TUSC3: variants seen among roughly 807,000 people sequenced by gnomAD.
The protein encoded by TUSC3 is dolichyl-diphosphooligosaccharide--protein glycosyltransferase subunit TUSC3.
A neutral mutation model predicts 44.8 loss-of-function variants in TUSC3; 45 were observed. That is an observed-to-expected ratio of 1.00 (90% confidence interval 0.79 to 1.29). The LOEUF is 1.29. Among genes scored for constraint, TUSC3 ranks in the 50% most tolerant of loss-of-function variants. TUSC3 has a pLI of 0.00. For synonymous variants in TUSC3, 212 were observed against 152.9 expected (o/e 1.39, Z -2.85); for missense variants, 519 against 437.9 (o/e 1.19, Z -1.65).
At chr8:15,442,789 C>G (rs1384795124) in intron 1 of TUSC3, among the ~76,000 whole-genome samples, 1 of 152,122 alleles carries the variant, frequency 6.6e-6, no homozygotes, top group Non-Finnish European at 1.5e-5. Context: ...AAACTTTAGT[C>G]AGGCTCCTCT....
chr8:15,835,706 G>A, the TUSC3 span, among the ~76,000 whole-genome samples: 3 of 152,258 alleles, frequency 2.0e-5, no homozygotes, highest in East Asian at 1.9e-4. Flanking sequence ...TAGGAGAGAA[G>A]ATACAGTCTC....
chr8:15,727,835 A>G (rs1338871474), intron 6 of TUSC3, among the ~76,000 whole-genome samples: 1 of 152,226 alleles, frequency 6.6e-6, no homozygotes, highest in Admixed American at 6.5e-5. Flanking sequence ...ATTGTATATC[A>G]TACTATCTTA....
chr8:15,840,073 T>C, the TUSC3 span, among the ~76,000 whole-genome samples: 237 of 152,290 alleles, frequency 1.6e-3, 3 homozygotes, highest in Middle Eastern at 0.024. Flanking sequence ...TCATGTCCTT[T>C]GTAGGGACAT....
intron 1 of TUSC3, among the ~76,000 whole-genome samples, chr8:15,554,755 C>G (rs900575947): frequency 6.7e-6 from 1 of 150,262 alleles, no homozygotes; most frequent in African/African-American, 2.5e-5. Flanking sequence ...GGCGCCCTCA[C>G]CACGCCCGGC....
chr8:15,428,234 C>T (rs1443661635), intron 1 of TUSC3, among the ~76,000 whole-genome samples: 2 of 149,402 alleles, frequency 1.3e-5, no homozygotes, highest in African/African-American at 2.5e-5. Context: ...GTTTTTTGTC[C>T]TCACGATACT....
chr8:15,774,042 C>G, the TUSC3 span, among the ~76,000 whole-genome samples: 8 of 152,106 alleles, frequency 5.3e-5, no homozygotes, highest in Non-Finnish European at 7.4e-5. Context: ...AAAAATATAA[C>G]TTAGACCTCA....
the TUSC3 span, among the ~76,000 whole-genome samples, chr8:15,787,082 C>G: frequency 6.6e-6 from 1 of 151,938 alleles, no homozygotes; most frequent in East Asian, 1.9e-4. Flanking sequence ...TTTTACCCAC[C>G]CTACCACACT....
At chr8:15,566,819 G>C (rs1802696187) in intron 1 of TUSC3, among the ~76,000 whole-genome samples, 1 of 152,046 alleles carries the variant, frequency 6.6e-6, no homozygotes, top group Admixed American at 6.6e-5. Flanking sequence ...TGTTTGTAGA[G>C]ACAGGATTTT....
intron 1 of TUSC3, among the ~76,000 whole-genome samples, chr8:15,572,774 G>A (rs527760453): frequency 3.3e-5 from 5 of 152,240 alleles, no homozygotes; most frequent in East Asian, 1.9e-4. Flanking sequence ...CAATAGGAAC[G>A]TGTGAGAAGA....
intron 1 of TUSC3, among the ~76,000 whole-genome samples, chr8:15,471,484 CTT>C (rs1341202654): frequency 6.6e-6 from 1 of 152,020 alleles, no homozygotes; most frequent in African/African-American, 2.4e-5. Flanking sequence ...ACTAATAAAA[CTT>C]TTTCTTCATC....
chr8:15,683,363 T>G (rs1391105155), intron 6 of TUSC3, among the ~76,000 whole-genome samples: 1 of 152,136 alleles, frequency 6.6e-6, no homozygotes, highest in Non-Finnish European at 1.5e-5. Context: ...TCTTTATTTT[T>G]ATCTGACTGG....
chr8:15,816,070 A>C, the TUSC3 span, among the ~76,000 whole-genome samples: 1 of 152,150 alleles, frequency 6.6e-6, no homozygotes, highest in Non-Finnish European at 1.5e-5. Context: ...TTGTGTGAGC[A>C]TTCAACATGA....
At chr8:15,838,707 T>C in the TUSC3 span, among the ~76,000 whole-genome samples, 1 of 152,174 alleles carries the variant, frequency 6.6e-6, no homozygotes, top group Non-Finnish European at 1.5e-5. Context: ...TTCTGTTCCA[T>C]TGGTCTATAT....
At chr8:15,778,608 G>C in the TUSC3 span, among the ~76,000 whole-genome samples, 2 of 152,090 alleles carry the variant, frequency 1.3e-5, no homozygotes, top group African/African-American at 2.4e-5. Flanking sequence ...CTTCCAAGTA[G>C]GCAGGGCCAT....
At chr8:15,648,263 C>G (rs1806717547) in intron 2 of TUSC3, among the ~76,000 whole-genome samples, 2 of 152,136 alleles carry the variant, frequency 1.3e-5, no homozygotes, top group Non-Finnish European at 2.9e-5. Context: ...AGTGCTCTCT[C>G]TTTTACTATC....
chr8:15,588,382 C>G (rs927998589), intron 1 of TUSC3, among the ~76,000 whole-genome samples: 1 of 151,996 alleles, frequency 6.6e-6, no homozygotes, highest in Non-Finnish European at 1.5e-5. Context: ...CTATTCAGAT[C>G]TTTTGCTCAT....
Position 15,455,230 on chromosome 8 carries a change from C to G in TUSC3, n.92-28156C>G, listed in dbSNP as rs911423831. On this transcript the variant is annotated intron_variant and non_coding_transcript_variant, in intron 1 of 5. Coordinates refer to the TUSC3 transcript ENST00000503191. Reference sequence around the variant, plus strand: ...CATTTGTCCTCCTATTCCTCCTCCCCCAAAACCCCAGGACTGGTGGATCAT... The same window carrying G: ...CATTTGTCCTCCTATTCCTCCTCCCGCAAAACCCCAGGACTGGTGGATCAT... Among the ~76,000 whole-genome samples, 8 of 152,240 alleles carry G rather than the reference C, an allele frequency of 5.3e-5. No homozygotes were observed. The South Asian group carries it at 1.2e-3, about 24-fold the overall frequency.
chr8:15,432,214 T>A (rs1336711438), intron 1 of TUSC3, among the ~76,000 whole-genome samples: 2 of 152,126 alleles, frequency 1.3e-5, no homozygotes, highest in Non-Finnish European at 2.9e-5. Context: ...TTTGGTAGAA[T>A]TCACCAGGAA....
the TUSC3 span, among the ~76,000 whole-genome samples, chr8:15,844,469 C>T: frequency 3.9e-5 from 6 of 151,964 alleles, no homozygotes; most frequent in South Asian, 2.1e-4. Flanking sequence ...AAGGCACAAA[C>T]GGAGAACAAA....
Sources: gnomAD v4.1 joint callset for allele counts (sites outside exome capture counted in the v4.1 genomes callset) on GRCh38, gnomAD v4.1.1 for gene constraint, MANE v1.5 for transcripts, NCBI Gene and HGNC (gene_info 2026-07-23, HGNC 2026-07-21) for gene names.